SLIT3: variants seen among roughly 807,000 people sequenced by gnomAD.
SLIT3 encodes slit guidance ligand 3, also known as slit homolog 3 protein.
Under a neutral mutation model 184.0 loss-of-function variants are expected in SLIT3, and 68 were observed. That is an observed-to-expected ratio of 0.37 (90% CI 0.30 to 0.45). The LOEUF is 0.45. SLIT3 is among the 20% of genes least tolerant of loss of function. The pLI, the probability that SLIT3 is intolerant of heterozygous loss-of-function variation, is 1.00. For synonymous variants in SLIT3, 831 were observed against 828.6 expected (o/e 1.00, Z -0.05); for missense variants, 1,707 against 2,026.0 (o/e 0.84, Z 3.02).
At chr5:169,273,106 G>A (rs941033384) in intron 1 of SLIT3, among the ~76,000 whole-genome samples, 2 of 152,080 alleles carry the variant, frequency 1.3e-5, no homozygotes, top group Non-Finnish European at 1.5e-5. Flanking sequence ...CTTCTGAACC[G>A]AGAGAGAACA....
chr5:169,194,697 G>A (rs974766567), intron 3 of SLIT3, among the ~76,000 whole-genome samples: 3 of 152,218 alleles, frequency 2.0e-5, no homozygotes, highest in Non-Finnish European at 4.4e-5. Context: ...CAGGGACCAA[G>A]GTCTGGGCAT....
intron 5 of SLIT3, among the ~76,000 whole-genome samples, chr5:168,847,608 A>C (rs1188741476): frequency 1.3e-5 from 2 of 152,164 alleles, no homozygotes; most frequent in Non-Finnish European, 2.9e-5. Flanking sequence ...GTAAATACAC[A>C]CTTGGTTCAG....
At chr5:168,885,808 A>T (rs140265910) in intron 4 of SLIT3, among the ~76,000 whole-genome samples, 6 of 152,334 alleles carry the variant, frequency 3.9e-5, no homozygotes, top group African/African-American at 1.2e-4. Context: ...ACCTTGTTTG[A>T]GTAGACAACA....
At chr5:169,057,142 T>A (rs1032541501) in intron 4 of SLIT3, among the ~76,000 whole-genome samples, 12 of 152,270 alleles carry the variant, frequency 7.9e-5, no homozygotes, top group Admixed American at 4.6e-4. Context: ...AAGAAAGGAA[T>A]GGGTAGGTAG....
At chr5:169,259,688 T>C (rs1766099023) in intron 1 of SLIT3, among the ~76,000 whole-genome samples, 1 of 152,142 alleles carries the variant, frequency 6.6e-6, no homozygotes, top group South Asian at 2.1e-4. Context: ...AATTAACTCA[T>C]GTTGGGCATG....
chr5:168,835,575 G>C (rs143336764), intron 6 of SLIT3, among the ~76,000 whole-genome samples: 1,909 of 151,964 alleles, frequency 0.013, 51 homozygotes, highest in African/African-American at 0.042. Context: ...TTGGGAGGCC[G>C]AGGTGGGCAG....
At chr5:169,104,774 C>A (rs1009769177) in intron 4 of SLIT3, among the ~76,000 whole-genome samples, 5 of 152,166 alleles carry the variant, frequency 3.3e-5, no homozygotes, top group Admixed American at 2.6e-4. Flanking sequence ...TTGTCATACC[C>A]CATTCAAGAA....
At chr5:169,289,491 G>A (rs533488560) in intron 1 of SLIT3, among the ~76,000 whole-genome samples, 225 of 152,328 alleles carry the variant, frequency 1.5e-3, no homozygotes, top group Middle Eastern at 3.4e-3. Context: ...CATTTATAGA[G>A]TCCAGCCCTG....
intron 1 of SLIT3, among the ~76,000 whole-genome samples, chr5:169,283,277 A>G (rs879776521): frequency 6.6e-6 from 1 of 152,240 alleles, no homozygotes; most frequent in Non-Finnish European, 1.5e-5. Context: ...CTAGAAAGCT[A>G]TCAAGAACTC....
intron 1 of SLIT3, among the ~76,000 whole-genome samples, chr5:169,272,136 C>T (rs936904717): frequency 6.6e-6 from 1 of 152,218 alleles, no homozygotes; most frequent in African/African-American, 2.4e-5. Context: ...CTCCATCCCT[C>T]AGTTCCCTTG....
chr5:168,695,159 TC>T, intron 28 of SLIT3, among the ~76,000 whole-genome samples: 1 of 152,312 alleles, frequency 6.6e-6, no homozygotes, highest in South Asian at 2.1e-4. Flanking sequence ...CTATTCATCT[TC>T]CACAGCTTCC....
chr5:169,040,765 C>T lies in SLIT3; in HGVS notation c.413+152714G>A, dbSNP rs576242063. On this transcript the variant is annotated intron_variant, in intron 4 of 35. Transcript: ENST00000519560. ...ATCTTCTCACCTCAATCAATTATCC[C>T]TTTTCGAAAGGAAAAAAAGGTCTTG... Among the ~76,000 whole-genome samples the T allele has an allele frequency of 2.0e-5, 3 of 152,338 alleles. No individual in the cohort carries two copies. The South Asian group carries it at 6.2e-4, about 32-fold the overall frequency.
intron 9 of SLIT3, among the ~76,000 whole-genome samples, chr5:168,804,225 G>T (rs972777185): frequency 1.4e-5 from 2 of 141,234 alleles, no homozygotes; most frequent in Non-Finnish European, 3.0e-5. Flanking sequence ...CAGGAGAATC[G>T]CTTGAACCCA....
intron 35 of SLIT3, 166 bp from the exon 36 acceptor site, chr5:168,666,855 A>T: frequency 8.9e-7 from 1 of 1,127,504 alleles, no homozygotes; most frequent in Admixed American, 2.0e-5. Flanking sequence ...CTATTTTACA[A>T]ACAGGTGCCT....
chr5:168,935,645 T>C (rs1040879647), intron 4 of SLIT3, among the ~76,000 whole-genome samples: 1 of 152,242 alleles, frequency 6.6e-6, no homozygotes, highest in African/African-American at 2.4e-5. Flanking sequence ...CTCTAACTCC[T>C]GGCCAAAAGG....
chr5:169,261,334 A>T (rs557014138), intron 1 of SLIT3, among the ~76,000 whole-genome samples: 103 of 144,516 alleles, frequency 7.1e-4, no homozygotes, highest in African/African-American at 2.5e-3. Context: ...ACAAAAAAAA[A>T]CCCCAGCATG....
intron 20 of SLIT3, among the ~76,000 whole-genome samples, chr5:168,726,815 C>CAAACA (rs761107889): frequency 2.0e-4 from 30 of 148,566 alleles, no homozygotes; most frequent in South Asian, 4.3e-4. Flanking sequence ...CCTAAAAATA[C>CAAACA]AAACAAAACA....
chr5:168,793,067 A>G (rs1756435857), intron 10 of SLIT3, among the ~76,000 whole-genome samples: 1 of 152,238 alleles, frequency 6.6e-6, no homozygotes, highest in African/African-American at 2.4e-5. Context: ...AAAATATTCC[A>G]AACTTTGAAA....
intron 3 of SLIT3, among the ~76,000 whole-genome samples, chr5:169,230,381 C>T (rs757959490): frequency 3.9e-5 from 6 of 152,184 alleles, no homozygotes; most frequent in East Asian, 3.8e-4. Flanking sequence ...CTCTAAGGAA[C>T]ATAACGCACA....
Sources: gnomAD v4.1 joint callset for allele counts (sites outside exome capture counted in the v4.1 genomes callset) on GRCh38, gnomAD v4.1.1 for gene constraint, MANE v1.5 for transcripts, NCBI Gene and HGNC (gene_info 2026-07-23, HGNC 2026-07-21) for gene names.